The following CEP85L variants were observed in gnomAD, a reference collection of about 807,000 sequenced individuals.
CEP85L encodes centrosomal protein 85L.
CEP85L carries 60 observed loss-of-function variants against 100.3 expected under a neutral mutation model. The observed-to-expected ratio is 0.60, with a 90% CI of 0.49 to 0.74. CEP85L has a LOEUF of 0.74. Ranked by LOEUF, CEP85L falls within the 30% of genes least tolerant of loss-of-function variation. The probability of loss-of-function intolerance (pLI) is 0.00; values close to 1 mark genes in which losing one functional copy is unlikely to be tolerated. For missense variants in CEP85L, 973 were observed against 936.2 expected, an observed-to-expected ratio of 1.04 and a Z score of -0.51; for synonymous variants, 319 against 322.7, an observed-to-expected ratio of 0.99 and a Z score of 0.12.
chr6:118,554,864 G>C (rs893095432), intron 3 of CEP85L, among the ~76,000 whole-genome samples: 1 of 152,150 alleles, frequency 6.6e-6, no homozygotes, highest in Non-Finnish European at 1.5e-5. Context: ...TCACAAAAGG[G>C]AATGGAGTAT....
intron 3 of CEP85L, among the ~76,000 whole-genome samples, chr6:118,536,147 C>A (rs1277270116): frequency 6.6e-6 from 1 of 152,108 alleles, no homozygotes; most frequent in African/African-American, 2.4e-5. Context: ...GAAGTATACA[C>A]TAGAATACTA....
At chr6:118,674,931 A>G (rs1403818126) in intron 1 of CEP85L, among the ~76,000 whole-genome samples, 2 of 152,250 alleles carry the variant, frequency 1.3e-5, no homozygotes, top group Admixed American at 1.3e-4. Context: ...ACACAGACTT[A>G]CCATATGACT....
chr6:118,625,211 T>C (rs1773706179), intron 2 of CEP85L, among the ~76,000 whole-genome samples: 1 of 152,232 alleles, frequency 6.6e-6, no homozygotes, highest in African/African-American at 2.4e-5. Flanking sequence ...GACCTCAGGT[T>C]TCACCTGTCT....
intron 2 of CEP85L, among the ~76,000 whole-genome samples, chr6:118,623,167 C>T (rs765939943): frequency 2.6e-5 from 4 of 152,178 alleles, no homozygotes; most frequent in East Asian, 1.9e-4. Flanking sequence ...CCAAACTATG[C>T]GGCAGGTAGT....
At chr6:118,659,414 A>C (rs563217521) in intron 1 of CEP85L, among the ~76,000 whole-genome samples, 1 of 152,358 alleles carries the variant, frequency 6.6e-6, no homozygotes, top group South Asian at 2.1e-4. Flanking sequence ...CCATTACAGT[A>C]ATCTCCTAAT....
chr6:118,626,357 G>A (rs1773795457), intron 2 of CEP85L, among the ~76,000 whole-genome samples: 1 of 152,128 alleles, frequency 6.6e-6, no homozygotes, highest in Non-Finnish European at 1.5e-5. Context: ...TTAAAGAAAA[G>A]ATTAACTGCC....
intron 1 of CEP85L, among the ~76,000 whole-genome samples, chr6:118,672,499 G>A (rs189944802): frequency 6.6e-6 from 1 of 152,256 alleles, no homozygotes; most frequent in Admixed American, 6.5e-5. Context: ...AGCCATTGTG[G>A]CTCACATCTG....
intron 2 of CEP85L, among the ~76,000 whole-genome samples, chr6:118,594,046 T>C (rs944482141): frequency 1.3e-5 from 2 of 152,176 alleles, no homozygotes; most frequent in African/African-American, 2.4e-5. Context: ...TGTCTATCCC[T>C]ACCACCCTGT....
At chr6:118,663,028 T>C (rs548685738) in intron 1 of CEP85L, among the ~76,000 whole-genome samples, 4 of 152,032 alleles carry the variant, frequency 2.6e-5, no homozygotes, top group Admixed American at 2.0e-4. Flanking sequence ...CTTTTTTGAA[T>C]GCTTAAAATA....
rs11291728 is a variant in CEP85L, at chr6:118,522,874, C to CA, written c.1139+927dup. Reference sequence around the variant, plus strand: ...AGCCTGGGCGACAGACTGAGACTCCCAAAAAAAAAAAAAAATTGGGGGAAT... The same window carrying CA: ...AGCCTGGGCGACAGACTGAGACTCCCAAAAAAAAAAAAAAAATTGGGGGAAT... On this transcript the variant is annotated intron_variant, in intron 4 of 12. Transcript: ENST00000368491. Among the ~76,000 whole-genome samples, 1,222 of 134,782 alleles carry CA rather than the reference C, an allele frequency of 9.1e-3. 6 individuals are homozygous for CA. The highest frequency in any genetic ancestry group is 0.012 in the African/African-American group (429 of 35,720). 88.4% of individuals were successfully genotyped at this position (134,782 alleles called of 152,430 possible).
At chr6:118,563,100 C>T (rs768465080) in intron 3 of CEP85L, among the ~76,000 whole-genome samples, 2 of 152,078 alleles carry the variant, frequency 1.3e-5, no homozygotes, top group Admixed American at 6.6e-5. Flanking sequence ...TGATGTACTA[C>T]CGAGGAAAGA....
chr6:118,667,935 A>G (rs1475009046), intron 1 of CEP85L, among the ~76,000 whole-genome samples: 2 of 152,250 alleles, frequency 1.3e-5, no homozygotes, highest in Non-Finnish European at 2.9e-5. Context: ...TACTGTATAT[A>G]TGATTAAGTG....
intron 3 of CEP85L, chr6:118,559,965 T>G (rs1349088094): frequency 3.0e-5 from 5 of 167,060 alleles, no homozygotes; most frequent in Non-Finnish European, 7.3e-5. Context: ...TTTGGAATCA[T>G]GAAACCTTAA....
chr6:118,485,559 A>G (rs980273684), intron 6 of CEP85L, among the ~76,000 whole-genome samples: 5 of 152,190 alleles, frequency 3.3e-5, no homozygotes, highest in Non-Finnish European at 7.4e-5. Context: ...GTGACAGTTT[A>G]CCCTGTGATC....
chr6:118,576,811 A>G (rs1780264034), intron 2 of CEP85L, among the ~76,000 whole-genome samples: 1 of 152,224 alleles, frequency 6.6e-6, no homozygotes, highest in Non-Finnish European at 1.5e-5. Context: ...GTAAAAATTA[A>G]AGATCTAAAG....
chr6:118,617,514 A>AG (rs1773142578), intron 2 of CEP85L, among the ~76,000 whole-genome samples: 2 of 152,220 alleles, frequency 1.3e-5, no homozygotes, highest in African/African-American at 4.8e-5. Flanking sequence ...CAAAATCTAA[A>AG]GCATGTCACA....
chr6:118,501,941 A>G (rs559581466), intron 5 of CEP85L: 66 of 965,302 alleles, frequency 6.8e-5, no homozygotes, highest in Non-Finnish European at 9.3e-5. Context: ...GAGAGACAGT[A>G]GGAGCAGCTT....
intron 5 of CEP85L, among the ~76,000 whole-genome samples, chr6:118,497,983 A>G (rs1217736347): frequency 6.6e-6 from 1 of 152,226 alleles, no homozygotes; most frequent in Non-Finnish European, 1.5e-5. Context: ...ACAATGATAC[A>G]AGGATGAGAA....
At chr6:118,670,957 T>TA (rs66483063) in intron 1 of CEP85L, among the ~76,000 whole-genome samples, 8,679 of 144,674 alleles carry the variant, frequency 0.06, 505 homozygotes, top group African/African-American at 0.15. Flanking sequence ...CTTTTTTATG[T>TA]AAAAAAAAAA....
Sources: gnomAD v4.1 joint callset for allele counts (sites outside exome capture counted in the v4.1 genomes callset) on GRCh38, gnomAD v4.1.1 for gene constraint, MANE v1.5 for transcripts, NCBI Gene and HGNC (gene_info 2026-07-23, HGNC 2026-07-21) for gene names.